The following KCNH6 variants were observed in gnomAD, a reference collection of about 807,000 sequenced individuals.
KCNH6 encodes the protein voltage-gated inwardly rectifying potassium channel KCNH6.
Under a neutral mutation model 83.4 loss-of-function variants are expected in KCNH6, and 81 were observed. That is an observed-to-expected ratio of 0.97 (90% confidence interval 0.81 to 1.17). The LOEUF (loss-of-function observed/expected upper bound fraction) is 1.17, where lower values mean the gene tolerates loss of function less well. Ranked by LOEUF, KCNH6 falls within the 50% of genes most tolerant of loss-of-function variation. The pLI, the probability that KCNH6 is intolerant of heterozygous loss-of-function variation, is 0.00. For synonymous variants in KCNH6, 503 were observed against 545.6 expected, an observed-to-expected ratio of 0.92 and a Z score of 1.09; for missense variants, 1,203 against 1,290.5, an observed-to-expected ratio of 0.93 and a Z score of 1.04.
At chr17:63,541,553 A>C (rs1273014003) in intron 8 of KCNH6, among the ~76,000 whole-genome samples, 2 of 149,942 alleles carry the variant, frequency 1.3e-5, no homozygotes, top group South Asian at 2.1e-4. Context: ...TCAGCCTCCC[A>C]AAGTGCTGGG....
In KCNH6 at chr17:63,538,281, C is replaced by T; in HGVS notation, c.1701+17C>T. The T allele has an allele frequency of 6.3e-7, 1 of 1,597,460 alleles. No homozygotes were observed. The highest frequency in any genetic ancestry group is 8.5e-7 in the Non-Finnish European group (1 of 1,174,652). On this transcript the variant is annotated intron_variant, in intron 7 of 12. Coordinates refer to ENST00000314672, the MANE Select transcript of KCNH6 (RefSeq NM_001278919.2). This position sits in a 1 kb window ranked among gnomAD's most constrained non-coding sequence, Gnocchi z 4.0. ...ATGAACGCGGTGAGCCCCGCCGCTC[C>T]GGCTAATGCCCCGGGCGTGGGGGGG...
In KCNH6 at chr17:63,543,598, C is replaced by T; in HGVS notation, c.2171C>T (p.Ser724Phe). 2 of 1,610,866 alleles carry T rather than the reference C, an allele frequency of 1.2e-6. No individual in the cohort carries two copies. Among genetic ancestry groups the T allele is most frequent in the Non-Finnish European group, 1.7e-6 (2 of 1,177,388 alleles). The change falls in exon 10 of 13, where the codon TCC becomes TTC. Residue 724 changes from serine (S) to phenylalanine (F), a missense_variant. Physicochemically the swap from Ser to Phe is radical, Grantham distance 155 (BLOSUM62 -2). Transcript: ENST00000314672. ...AAGGCAGCCGGGGGTCTCCACTCAT[C>T]CCCCCGACAGGCTCCTGGCAGCCAA... ...LRDAAGGLHS[S>F]PRQAPGSQDH...
At chr17:63,528,132 A>C (rs2031838305) in intron 2 of KCNH6, among the ~76,000 whole-genome samples, 1 of 152,112 alleles carries the variant, frequency 6.6e-6, no homozygotes, top group Non-Finnish European at 1.5e-5. Context: ...AGATCTCTGC[A>C]GTGCCAGAGA....
Position 63,545,656 on chromosome 17 carries a change from C to A in KCNH6, c.2631C>A (p.Asn877Lys), listed in dbSNP as rs118047914. The change falls in exon 13 of 13, where the codon AAC (asparagine) becomes AAA (lysine). Residue 877 changes from asparagine to lysine, a missense_variant. Coordinates refer to ENST00000314672, the MANE Select transcript of KCNH6 (RefSeq NM_001278919.2). Reference sequence around the variant, plus strand: ...ATGACTGTAGTCCAAAGCACAGGAACTCCTCCCCCAGGATGCCTCACCTGG... The same window carrying A: ...ATGACTGTAGTCCAAAGCACAGGAAATCCTCCCCCAGGATGCCTCACCTGG... ...DLDDCSPKHR[N>K]SSPRMPHLAV... is the part of the protein sequence containing the mutation. 157 of 1,614,012 alleles carry A rather than the reference C, an allele frequency of 9.7e-5. 1 individual carries two copies. The South Asian group carries it at 1.6e-3, about 17-fold the overall frequency.
At position 63,530,167 on chromosome 17, in the gene KCNH6, C is replaced by A. The variant is rs1169330139; in HGVS notation, c.384C>A (p.Asn128Lys). The part of the protein sequence containing the change: ...EDGAVIMFIL[N>K]FEDLAQLLAK... ...GGGCTGTCATCATGTTCATTCTCAA[C>A]TTCGAGGACCTGGCCCAGCTCCTGG... Residue 128 changes from asparagine to lysine, a missense_variant, in exon 3 of 13, where the codon AAC becomes AAA. Transcript: ENST00000314672. 2 of 1,614,090 alleles carry A rather than the reference C, an allele frequency of 1.2e-6. No individual in the cohort carries two copies. Among genetic ancestry groups the A allele is most frequent in the Non-Finnish European group, 1.7e-6 (2 of 1,180,056 alleles).
At chr17:63,540,177 G>A (rs1253981238) in intron 8 of KCNH6, among the ~76,000 whole-genome samples, 1 of 152,170 alleles carries the variant, frequency 6.6e-6, no homozygotes, top group Non-Finnish European at 1.5e-5. Context: ...GCTCATGCCT[G>A]TAATCCCAGC....
chr17:63,537,441 G>A (rs1190988276), intron 6 of KCNH6, among the ~76,000 whole-genome samples: 1 of 152,100 alleles, frequency 6.6e-6, no homozygotes, highest in Non-Finnish European at 1.5e-5. Flanking sequence ...TGTTGTTGTG[G>A]GTTTTTTTGT....
intron 10 of KCNH6, 52 bp downstream of exon 10, chr17:63,543,712 C>T: frequency 3.7e-6 from 4 of 1,075,586 alleles, no homozygotes; most frequent in East Asian, 4.7e-5. Flanking sequence ...TGCCCAGCCT[C>T]CTACCCCTCC....
Position 63,535,728 on chromosome 17 carries a change from A to C in KCNH6, c.1161A>C (p.Ala387=). 1 of 1,613,802 alleles carries C rather than the reference A, an allele frequency of 6.2e-7. No individual in the cohort carries two copies. The highest frequency in any genetic ancestry group is 8.5e-7 in the Non-Finnish European group (1 of 1,179,998). Residue 387 remains alanine, a synonymous_variant, in exon 6 of 13, where the codon GCA becomes GCC. Transcript: ENST00000314672. The surrounding 1 kb of genome is among the most constrained non-coding windows in gnomAD (Gnocchi z 4.9). ...TARLLRLVRV[A]RKLDRYSEYG... is the part of the protein sequence containing the mutation. Reference sequence around the variant, plus strand: ...GGCTGCTGCGGCTGGTGCGCGTAGCACGGAAGCTGGACCGCTACTCTGAGT... The same window carrying C: ...GGCTGCTGCGGCTGGTGCGCGTAGCCCGGAAGCTGGACCGCTACTCTGAGT...
In KCNH6 at chr17:63,534,143, C is replaced by G. The variant is rs201683221; in HGVS notation, c.933C>G (p.Phe311Leu). ...TVVDLIVDIM[F>L]VVDIVINFRT... Reference sequence around the variant, plus strand: ...TGGATCTCATCGTGGACATCATGTTCGTCGTGGACATCGTCATCAACTTCC... The same window carrying G: ...TGGATCTCATCGTGGACATCATGTTGGTCGTGGACATCGTCATCAACTTCC... Residue 311 changes from phenylalanine to leucine, a missense_variant, in exon 5 of 13, where the codon TTC (phenylalanine) becomes TTG (leucine). Phe to Leu is a conservative substitution (Grantham distance 22). Transcript: ENST00000314672. This position sits in a 1 kb window ranked among gnomAD's most constrained non-coding sequence, Gnocchi z 5.0. The G allele has an allele frequency of 2.0e-5, 30 of 1,484,802 alleles. No individual in the cohort carries two copies. The East Asian group carries it at 6.6e-4, about 32-fold the overall frequency. The allele number at this position is 1,484,802 out of a possible 1,614,324, so 92.0% of individuals were successfully genotyped here.
At chr17:63,543,719 C>A in intron 10 of KCNH6, 59 bp downstream of exon 10, 2 of 994,726 alleles carry the variant, frequency 2.0e-6, no homozygotes, top group Non-Finnish European at 3.2e-6. Context: ...CCTCCTACCC[C>A]TCCCATGTCC....
Position 63,538,751 on chromosome 17 carries a change from C to A in KCNH6, c.1954+89C>A. The A allele has an allele frequency of 7.4e-7, 1 of 1,350,550 alleles. No individual in the cohort carries two copies. Among genetic ancestry groups the A allele is most frequent in the Non-Finnish European group, 1.0e-6 (1 of 991,294 alleles). The allele number at this position is 1,350,550 out of a possible 1,614,324, so 83.7% of individuals were successfully genotyped here. A position where few individuals can be genotyped will look rare whatever the true frequency, so the allele number is the denominator to read the frequency against. On this transcript the variant is annotated intron_variant, in intron 8 of 12. Coordinates refer to ENST00000314672, the MANE Select transcript of KCNH6 (RefSeq NM_001278919.2). The surrounding 1 kb of genome is among the most constrained non-coding windows in gnomAD (Gnocchi z 4.0). ...ATGCCCTGCCCAGGCCACCCTCTTC[C>A]TGATGAGGATTTTACTTTTACTGGC...
In KCNH6 at chr17:63,530,251, C is replaced by T. The variant is rs375511062; in HGVS notation, c.468C>T (p.Ser156=). 5.6e-6 allele frequency: 9 copies of T among 1,613,836 alleles called. No homozygotes were observed. The highest frequency in any genetic ancestry group is 1.3e-5 in the African/African-American group (1 of 74,946). Residue 156 remains serine (S), a splice_region_variant and synonymous_variant, in exon 3 of 13, where the codon TCC becomes TCT. Transcript: ENST00000314672. ...TGTTGTCCCAGAGCTTCCTGGGCTC[C>T]GGTGAGGCAGAGTGAGGGTGGTGGT... is the stretch of plus-strand genomic sequence containing the variant. ...QRLLSQSFLG[S]EGSHGRPGGP...
rs2032603518 is a variant in KCNH6, at chr17:63,537,950, C to T, written c.1502-115C>T. On this transcript the variant is annotated intron_variant, in intron 6 of 12. Coordinates refer to ENST00000314672, the MANE Select transcript of KCNH6 (RefSeq NM_001278919.2). ...TGTCCTGGTCACTCCTGACTTCTCC[C>T]TGGACAGAGGGGTCCTTCACCAGGG... 5 of 1,055,716 alleles carry T rather than the reference C, an allele frequency of 4.7e-6. No homozygotes were observed. The Admixed American group carries it at 1.1e-4, about 23-fold the overall frequency. 65.4% of individuals were successfully genotyped at this position (1,055,716 alleles called of 1,614,324 possible). A position where few individuals can be genotyped will look rare whatever the true frequency, so the allele number is the denominator to read the frequency against.
In KCNH6 at chr17:63,542,518, C is replaced by A. The variant is rs1016511593; in HGVS notation, c.2148+84C>A. 1.2e-5 allele frequency: 15 copies of A among 1,207,042 alleles called. No individual in the cohort carries two copies. The African/African-American group carries it at 1.8e-4, about 14-fold the overall frequency. The allele number at this position is 1,207,042 out of a possible 1,614,324, so 74.8% of individuals were successfully genotyped here. A position where few individuals can be genotyped will look rare whatever the true frequency, so the allele number is the denominator to read the frequency against. On this transcript the variant is annotated intron_variant, in intron 9 of 12. Coordinates refer to ENST00000314672, the MANE Select transcript of KCNH6 (RefSeq NM_001278919.2). ...TGAGGGCACCCATCTGACCAACACC[C>A]TTCCTTTCAACCCCATCCTGCAACC...
In KCNH6 at chr17:63,524,403, C is replaced by T. The variant is rs1490493458; in HGVS notation, c.307+34C>T. ...TACTCAGGCCAGAGGCTTTGCAGGG[C>T]AGGCTTGGCCCTCTGTCTTGTCCAG... On this transcript the variant is annotated intron_variant, in intron 2 of 12. Transcript: ENST00000314672. 5 of 1,580,614 alleles carry T rather than the reference C, an allele frequency of 3.2e-6. No individual in the cohort carries two copies. In the South Asian group the frequency reaches 3.3e-5, roughly 11 times the overall value.
chr17:63,542,229 T>G lies in KCNH6; in HGVS notation c.1955-12T>G. On this transcript the variant is annotated splice_polypyrimidine_tract_variant and intron_variant, in intron 8 of 12. Transcript: ENST00000314672. Reference sequence around the variant, plus strand: ...CAGACCCTGAAGAGACTCCCACCCCTCTGGCTGGCAGGAAAGAATGACATC... The same window carrying G: ...CAGACCCTGAAGAGACTCCCACCCCGCTGGCTGGCAGGAAAGAATGACATC... 6.2e-7 allele frequency: 1 copy of G among 1,612,800 alleles called. No homozygotes were observed. The highest frequency in any genetic ancestry group is 8.5e-7 in the Non-Finnish European group (1 of 1,179,204).
downstream of KCNH6, among the ~76,000 whole-genome samples, chr17:63,547,645 C>T (rs1303873838): frequency 2.0e-5 from 3 of 152,066 alleles, no homozygotes; most frequent in Non-Finnish European, 2.9e-5. Context: ...CATATGTTTG[C>T]AACACAAATA....
In KCNH6 at chr17:63,538,755, T is replaced by G; in HGVS notation, c.1954+93T>G. 7.5e-7 allele frequency: 1 copy of G among 1,342,216 alleles called. No homozygotes were observed. Among genetic ancestry groups the G allele is most frequent in the Non-Finnish European group, 1.0e-6 (1 of 984,196 alleles). 83.1% of individuals were successfully genotyped at this position (1,342,216 alleles called of 1,614,324 possible). A position where few individuals can be genotyped will look rare whatever the true frequency, so the allele number is the denominator to read the frequency against. ...CCTGCCCAGGCCACCCTCTTCCTGA[T>G]GAGGATTTTACTTTTACTGGCAGCC... On this transcript the variant is annotated intron_variant, in intron 8 of 12. Transcript: ENST00000314672. This position sits in a 1 kb window ranked among gnomAD's most constrained non-coding sequence, Gnocchi z 4.0.
Sources: gnomAD v4.1 joint callset for allele counts (sites outside exome capture counted in the v4.1 genomes callset) on GRCh38, gnomAD v4.1.1 for gene constraint, Gnocchi (gnomAD v3.1) non-coding constraint, MANE v1.5 for transcripts, NCBI Gene and HGNC (gene_info 2026-07-23, HGNC 2026-07-21) for gene names.